Variants in EPB41L2 observed in about 807,000 individuals in gnomAD.
EPB41L2 encodes erythrocyte membrane protein band 4.1 like 2, also known as band 4.1-like protein 2.
EPB41L2 carries 43 observed loss-of-function variants against 113.0 expected under a neutral mutation model. That is an observed-to-expected ratio of 0.38 (90% CI 0.30 to 0.49). The LOEUF is 0.49. Ranked by LOEUF, EPB41L2 falls within the 20% of genes least tolerant of loss-of-function variation. The pLI, the probability that EPB41L2 is intolerant of heterozygous loss-of-function variation, is 0.95. For missense variants in EPB41L2, 1,147 were observed against 1,223.4 expected, an observed-to-expected ratio of 0.94 and a Z score of 0.93; for synonymous variants, 442 against 436.7, an observed-to-expected ratio of 1.01 and a Z score of -0.15.
At chr6:130,946,425 T>A (rs1280242185) in intron 3 of EPB41L2, among the ~76,000 whole-genome samples, 5 of 152,186 alleles carry the variant, frequency 3.3e-5, no homozygotes, top group Non-Finnish European at 5.9e-5. Context: ...GGCATAAAAA[T>A]TTTTTATCCA....
chr6:131,061,044 G>T lies in EPB41L2; in HGVS notation c.-15+2111C>A, dbSNP rs1395900579. Among the ~76,000 whole-genome samples the T allele has an allele frequency of 2.0e-5, 3 of 152,152 alleles. No individual in the cohort carries two copies. The East Asian group carries it at 5.8e-4, about 29-fold the overall frequency. The stretch of plus-strand genomic sequence containing the variant: ...ATATATGAAGAGTTCGAGGGACGTG[G>T]CTCAATTCATCCACGAATTTTCTTT... On this transcript the variant is annotated intron_variant, in intron 1 of 19. Coordinates refer to ENST00000337057, the MANE Select transcript of EPB41L2 (RefSeq NM_001431.4).
chr6:130,921,502 C>G (rs1477463588), intron 4 of EPB41L2, among the ~76,000 whole-genome samples: 1 of 152,196 alleles, frequency 6.6e-6, no homozygotes, highest in Non-Finnish European at 1.5e-5. Flanking sequence ...GAGGCTGGAA[C>G]TGCCACATCC....
chr6:131,026,231 C>G (rs1247456116), intron 1 of EPB41L2, among the ~76,000 whole-genome samples: 1 of 152,152 alleles, frequency 6.6e-6, no homozygotes, highest in Non-Finnish European at 1.5e-5. Context: ...ATAACAGATA[C>G]AAGAAATAAC....
intron 3 of EPB41L2, among the ~76,000 whole-genome samples, chr6:130,927,955 T>C (rs1805309804): frequency 6.6e-6 from 1 of 152,014 alleles, no homozygotes; most frequent in African/African-American, 2.4e-5. Context: ...TAGCCAGGTG[T>C]GGTGGCGTGT....
At chr6:130,858,041 C>A in intron 19 of EPB41L2, 90 bp downstream of exon 19, 1 of 1,002,600 alleles carries the variant, frequency 1.0e-6, no homozygotes, top group East Asian at 2.4e-5. Context: ...GAAGAAGACA[C>A]TGATATGAAC....
At position 130,890,475 on chromosome 6, in the gene EPB41L2, G is replaced by GAA. The variant is rs529747864; in HGVS notation, c.1488-10_1488-9insTT. The GAA allele has an allele frequency of 3.0e-5, 35 of 1,179,778 alleles. No individual in the cohort carries two copies. The highest frequency in any genetic ancestry group is 2.4e-4 in the African/African-American group (9 of 36,940). 73.1% of individuals were successfully genotyped at this position (1,179,778 alleles called of 1,614,324 possible). A position where few individuals can be genotyped will look rare whatever the true frequency, so the allele number is the denominator to read the frequency against. On this transcript the variant is annotated splice_polypyrimidine_tract_variant and intron_variant, in intron 10 of 19. Transcript: ENST00000337057. ...GCTCTGGAGAAACAAGCCTATGGGAGGAAAAAAAAAAAAAAAGAGAGAGAG... is the reference window on the plus strand; with the variant it reads ...GCTCTGGAGAAACAAGCCTATGGGAGAAGAAAAAAAAAAAAAAAGAGAGAGAG...
intron 14 of EPB41L2, among the ~76,000 whole-genome samples, chr6:130,874,754 C>G (rs971588782): frequency 4.6e-5 from 7 of 152,144 alleles, no homozygotes; most frequent in Non-Finnish European, 8.8e-5. Flanking sequence ...TTCACATTAA[C>G]ATCACTTTAA....
At chr6:130,866,075 G>A (rs1211306757) in intron 16 of EPB41L2, among the ~76,000 whole-genome samples, 1 of 152,146 alleles carries the variant, frequency 6.6e-6, no homozygotes, top group East Asian at 1.9e-4. Context: ...ACCTGACCAG[G>A]ACAAACTGAA....
In EPB41L2 at chr6:131,037,208, C is replaced by T. The variant is rs1793506635; in HGVS notation, c.-15+25947G>A. ...CATCATTCCACAAGCATCTACAGAA[C>T]GCTAAGCTTAGTATATGCCGATCAT... On this transcript the variant is annotated intron_variant, in intron 1 of 19. Transcript: ENST00000337057. Among the ~76,000 whole-genome samples, 3 of 152,292 alleles carry T rather than the reference C, an allele frequency of 2.0e-5. No homozygotes were observed. In the South Asian group the frequency reaches 6.2e-4, roughly 32 times the overall value.
intron 3 of EPB41L2, among the ~76,000 whole-genome samples, chr6:130,930,019 T>G (rs1236017844): frequency 2.0e-5 from 3 of 152,036 alleles, no homozygotes. Flanking sequence ...CTGGTCCCAC[T>G]CATCCCATGA....
intron 3 of EPB41L2, among the ~76,000 whole-genome samples, chr6:130,927,708 C>T (rs1292925422): frequency 6.6e-6 from 1 of 152,154 alleles, no homozygotes; most frequent in Non-Finnish European, 1.5e-5. Context: ...TATTAAGCCT[C>T]TTATGGTAAC....
intron 19 of EPB41L2, among the ~76,000 whole-genome samples, chr6:130,854,769 A>G (rs1052380591): frequency 1.3e-5 from 2 of 152,206 alleles, no homozygotes; most frequent in Non-Finnish European, 2.9e-5. Flanking sequence ...GGTAGATCAT[A>G]CCATTCACTG....
chr6:130,910,808 T>C (rs1799140124), intron 4 of EPB41L2, among the ~76,000 whole-genome samples: 1 of 152,128 alleles, frequency 6.6e-6, no homozygotes, highest in Non-Finnish European at 1.5e-5. Flanking sequence ...GAAATGCAAA[T>C]CAAATCCACA....
chr6:130,984,252 T>C (rs542259253), intron 1 of EPB41L2, among the ~76,000 whole-genome samples: 4 of 152,232 alleles, frequency 2.6e-5, no homozygotes, highest in Non-Finnish European at 5.9e-5. Context: ...CTGAGGCTAT[T>C]TTACAGTTAA....
chr6:130,911,675 A>AC (rs1226102031), intron 4 of EPB41L2, among the ~76,000 whole-genome samples: 2 of 152,178 alleles, frequency 1.3e-5, no homozygotes, highest in Admixed American at 6.5e-5. Context: ...CTAGGTTCGA[A>AC]CCACCCAAGG....
chr6:131,044,986 A>G (rs1795137568), intron 1 of EPB41L2, among the ~76,000 whole-genome samples: 1 of 152,192 alleles, frequency 6.6e-6, no homozygotes, highest in African/African-American at 2.4e-5. Context: ...ACACACATCC[A>G]TACTGAATAA....
intron 3 of EPB41L2, among the ~76,000 whole-genome samples, chr6:130,954,545 C>A (rs148055016): frequency 2.0e-5 from 3 of 152,080 alleles, no homozygotes; most frequent in Admixed American, 6.5e-5. Flanking sequence ...TATTAGTATA[C>A]GTTACGTAAA....
At chr6:130,899,725 A>T in intron 7 of EPB41L2, 147 bp from the exon 8 acceptor site, 1 of 664,354 alleles carries the variant, frequency 1.5e-6, no homozygotes, top group Non-Finnish European at 2.6e-6. Context: ...GTAAGAAAAC[A>T]ACTCTCAACC....
chr6:130,932,245 A>C (rs2128564146), intron 3 of EPB41L2, among the ~76,000 whole-genome samples: 1 of 152,114 alleles, frequency 6.6e-6, no homozygotes, highest in African/African-American at 2.4e-5. Context: ...TTAAATTATT[A>C]TGTATGCTCT....
Sources: gnomAD v4.1 joint callset for allele counts (sites outside exome capture counted in the v4.1 genomes callset) on GRCh38, gnomAD v4.1.1 for gene constraint, MANE v1.5 for transcripts, NCBI Gene and HGNC (gene_info 2026-07-23, HGNC 2026-07-21) for gene names.